Variants in NRG1 observed in about 807,000 individuals in gnomAD.
The protein encoded by NRG1 is neuregulin 1.
A neutral mutation model predicts 63.8 loss-of-function variants in NRG1; 18 were observed. That is an observed-to-expected ratio of 0.28 (90% CI 0.19 to 0.42). The LOEUF is 0.42. Among genes scored for constraint, NRG1 ranks in the 10% least tolerant of loss-of-function variants. The pLI is 1.00. For synonymous variants in NRG1, 302 were observed against 301.3 expected (o/e 1.00, Z -0.02); for missense variants, 762 against 814.7 (o/e 0.94, Z 0.79).
intron 1 of NRG1, among the ~76,000 whole-genome samples, chr8:31,969,151 C>A (rs1806863804): frequency 6.6e-6 from 1 of 152,204 alleles, no homozygotes. Context: ...ATGTGACATT[C>A]CTTCCATCTG....
chr8:32,757,627 C>T (rs760290791), intron 9 of NRG1, among the ~76,000 whole-genome samples: 2 of 152,286 alleles, frequency 1.3e-5, no homozygotes, highest in Non-Finnish European at 2.9e-5. Flanking sequence ...TAACGATATT[C>T]ACTACAAAAG....
chr8:31,956,338 G>A (rs2129624585), intron 1 of NRG1, among the ~76,000 whole-genome samples: 1 of 152,220 alleles, frequency 6.6e-6, no homozygotes, highest in Non-Finnish European at 1.5e-5. Flanking sequence ...CTTTCATTAA[G>A]AGTCTTCTAG....
intron 1 of NRG1, among the ~76,000 whole-genome samples, chr8:32,279,182 GAA>G (rs1221364579): frequency 6.6e-6 from 1 of 152,086 alleles, no homozygotes; most frequent in Non-Finnish European, 1.5e-5. Flanking sequence ...AAACATTCTT[GAA>G]AAAACCCTGA....
exon 6 of NRG1, chr8:32,728,070 C>T (rs1161126936): frequency 3.1e-6 from 5 of 1,613,820 alleles, no homozygotes; most frequent in Admixed American, 1.7e-5. Context: ...CCTCGAGATA[C>T]TTGTGCAAGT....
chr8:32,136,638 G>A (rs987510340), intron 1 of NRG1: 1 of 152,142 alleles, frequency 6.6e-6, no homozygotes, highest in Admixed American at 6.6e-5. Flanking sequence ...TAATAAGAAT[G>A]CCTTAACACA....
chr8:32,311,213 G>A (rs1260633081), intron 1 of NRG1, among the ~76,000 whole-genome samples: 1 of 152,172 alleles, frequency 6.6e-6, no homozygotes, highest in Non-Finnish European at 1.5e-5. Context: ...TGAAGATAAG[G>A]TGGTGAACAA....
chr8:31,665,857 T>G (rs1023972470), intron 1 of NRG1, among the ~76,000 whole-genome samples: 10 of 152,192 alleles, frequency 6.6e-5, no homozygotes, highest in Non-Finnish European at 1.5e-4. Context: ...TTTCCTTGGC[T>G]GCAGGAGCAG....
intron 1 of NRG1, among the ~76,000 whole-genome samples, chr8:32,505,056 T>C (rs895480702): frequency 1.6e-4 from 25 of 152,158 alleles, no homozygotes; most frequent in African/African-American, 5.8e-4. Context: ...TTTCAAGTAG[T>C]CCCTTTAAAA....
In NRG1 at chr8:32,453,999, A is replaced by G. The variant is rs141024060; in HGVS notation, c.38-141829A>G. 2.1e-4 allele frequency among the ~76,000 whole-genome samples: 32 copies of G among 152,338 alleles called. No homozygotes were observed. In the East Asian group the frequency reaches 5.8e-3, roughly 28 times the overall value. On this transcript the variant is annotated intron_variant, in intron 1 of 10. Transcript: ENST00000519301. Reference sequence around the variant, plus strand: ...AGTTTTCTCTAAGAAGATAGCCTGTATATTCAATTGCCTGGGTAAAAGTTT... The same window carrying G: ...AGTTTTCTCTAAGAAGATAGCCTGTGTATTCAATTGCCTGGGTAAAAGTTT...
chr8:32,157,049 C>CAT, intron 1 of NRG1, among the ~76,000 whole-genome samples: 1 of 140,998 alleles, frequency 7.1e-6, no homozygotes, highest in Non-Finnish European at 1.5e-5. Context: ...AATTAAAACT[C>CAT]GTGTGTGTGT....
chr8:32,514,132 C>CT (rs1829537348), intron 1 of NRG1, among the ~76,000 whole-genome samples: 1 of 152,098 alleles, frequency 6.6e-6, no homozygotes, highest in African/African-American at 2.4e-5. Context: ...AATTCTTAAC[C>CT]TTTTTTTGTT....
chr8:31,668,858 C>G (rs187078787), intron 1 of NRG1, among the ~76,000 whole-genome samples: 2 of 152,234 alleles, frequency 1.3e-5, no homozygotes, highest in East Asian at 3.9e-4. Flanking sequence ...TTATGTATAA[C>G]TCAGGCTACT....
chr8:32,301,918 G>A (rs1855613503), intron 1 of NRG1, among the ~76,000 whole-genome samples: 1 of 152,158 alleles, frequency 6.6e-6, no homozygotes, highest in Non-Finnish European at 1.5e-5. Context: ...GAGGGGAAAA[G>A]TATAAGTAAC....
chr8:32,474,495 CTTTTTT>C (rs10707813), intron 1 of NRG1, among the ~76,000 whole-genome samples: 1 of 132,432 alleles, frequency 7.6e-6, no homozygotes. Flanking sequence ...GTGATATTCC[CTTTTTT>C]TTTTTTTTTT....
intron 5 of NRG1, among the ~76,000 whole-genome samples, chr8:32,644,091 G>A (rs927906469): frequency 1.3e-5 from 2 of 152,076 alleles, no homozygotes; most frequent in Non-Finnish European, 2.9e-5. Flanking sequence ...AAAAATTTAA[G>A]ATAAATATGG....
chr8:32,233,878 A>G (rs1847268198), intron 1 of NRG1, among the ~76,000 whole-genome samples: 1 of 152,032 alleles, frequency 6.6e-6, no homozygotes, highest in Non-Finnish European at 1.5e-5. Flanking sequence ...AAAGAATAGT[A>G]TAAACCTTAT....
At chr8:32,747,074 A>ATGAC (rs1827583631) in intron 7 of NRG1, among the ~76,000 whole-genome samples, 2 of 152,028 alleles carry the variant, frequency 1.3e-5, no homozygotes, top group Non-Finnish European at 2.9e-5. Context: ...CCTGATATGA[A>ATGAC]TGACTTCCCG....
At chr8:32,123,780 C>T (rs1249893169) in intron 1 of NRG1, among the ~76,000 whole-genome samples, 1 of 151,402 alleles carries the variant, frequency 6.6e-6, no homozygotes, top group African/African-American at 2.4e-5. Context: ...TTTTTGGTCT[C>T]TTTGCTAGTA....
chr8:32,316,746 T>G (rs143884379), intron 1 of NRG1, among the ~76,000 whole-genome samples: 2,680 of 152,216 alleles, frequency 0.018, 77 homozygotes, highest in African/African-American at 0.056. Context: ...GCATTGCAAT[T>G]AACAGATCTC....
Sources: allele counts gnomAD v4.1 joint callset (sites outside exome capture counted in the v4.1 genomes callset), GRCh38; gene constraint gnomAD v4.1.1; transcripts MANE v1.5; gene names NCBI Gene and HGNC (gene_info 2026-07-23, HGNC 2026-07-21).